CNNM2: variants seen among roughly 807,000 people sequenced by gnomAD.
CNNM2 encodes the protein cyclin and CBS domain divalent metal cation transport mediator 2, also known as metal transporter CNNM2.
Under a neutral mutation model 66.9 loss-of-function variants are expected in CNNM2, and 12 were observed. The ratio of observed to expected loss-of-function variants is 0.18; its 90% CI spans 0.11 to 0.29. CNNM2 has a LOEUF of 0.29. Ranked by LOEUF, CNNM2 falls within the 10% of genes least tolerant of loss-of-function variation. CNNM2 has a pLI of 1.00. For missense variants in CNNM2, 705 were observed against 1,167.7 expected (o/e 0.60, Z 5.77); for synonymous variants, 557 against 501.8 (o/e 1.11, Z -1.47).
intron 1 of CNNM2, among the ~76,000 whole-genome samples, chr10:103,016,546 A>C (rs563196922): frequency 6.6e-6 from 1 of 152,274 alleles, no homozygotes; most frequent in East Asian, 1.9e-4. Context: ...TTCAAGCCAC[A>C]AGCTTGTTTC....
intron 1 of CNNM2, among the ~76,000 whole-genome samples, chr10:103,022,910 A>ATT (rs35848004): frequency 4.7e-5 from 7 of 150,372 alleles, no homozygotes; most frequent in East Asian, 3.9e-4. Flanking sequence ...CAGACTCTTT[A>ATT]TTTTTTTTTG....
intron 6 of CNNM2, among the ~76,000 whole-genome samples, chr10:103,074,117 G>C (rs143961033): frequency 6.6e-6 from 1 of 151,762 alleles, no homozygotes; most frequent in Admixed American, 6.6e-5. Flanking sequence ...GTGAAACCCC[G>C]TCTCTACTAA....
In CNNM2 at chr10:103,068,625, A is replaced by T; in HGVS notation, c.2074-4A>T. ...CTGAAAATACCTGCCTTTTCTCTCC[A>T]CAGGGGAAAGTGGAAGTTGAAGCTG... On this transcript the variant is annotated splice_region_variant and splice_polypyrimidine_tract_variant and intron_variant, in intron 4 of 7. Coordinates refer to ENST00000369878, the MANE Select transcript of CNNM2 (RefSeq NM_017649.5). 1 of 1,609,892 alleles carries T rather than the reference A, an allele frequency of 6.2e-7. No individual in the cohort carries two copies. The highest frequency in any genetic ancestry group is 8.5e-7 in the Non-Finnish European group (1 of 1,178,076).
chr10:102,988,049 A>G (rs1241167898), intron 1 of CNNM2, among the ~76,000 whole-genome samples: 2 of 152,204 alleles, frequency 1.3e-5, no homozygotes, highest in East Asian at 3.9e-4. Flanking sequence ...CTGTAATCCC[A>G]GCACTTTGGG....
chr10:103,039,003 A>G (rs1011842002), intron 1 of CNNM2, among the ~76,000 whole-genome samples: 4 of 152,120 alleles, frequency 2.6e-5, no homozygotes, highest in African/African-American at 9.7e-5. Context: ...AAGTACTTAA[A>G]AAAAAAAGAA....
At chr10:103,015,535 A>C (rs945201969) in intron 1 of CNNM2, among the ~76,000 whole-genome samples, 1 of 152,186 alleles carries the variant, frequency 6.6e-6, no homozygotes, top group Non-Finnish European at 1.5e-5. Flanking sequence ...TCTCTAGCAC[A>C]AATAGTACCT....
At chr10:102,944,669 A>G (rs1209145467) in intron 1 of CNNM2, among the ~76,000 whole-genome samples, 1 of 150,946 alleles carries the variant, frequency 6.6e-6, no homozygotes, top group Non-Finnish European at 1.5e-5. Context: ...TGCAGACATC[A>G]TGATACTTCA....
At chr10:102,947,392 G>C (rs1846654530) in intron 1 of CNNM2, among the ~76,000 whole-genome samples, 1 of 152,120 alleles carries the variant, frequency 6.6e-6, no homozygotes, top group African/African-American at 2.4e-5. Flanking sequence ...TTGTGATGAT[G>C]TTATATATTG....
At chr10:102,958,675 T>G (rs1435009106) in intron 1 of CNNM2, among the ~76,000 whole-genome samples, 1 of 151,502 alleles carries the variant, frequency 6.6e-6, no homozygotes, top group Non-Finnish European at 1.5e-5. Context: ...TTCACTATAT[T>G]GCCAGGCTGA....
At chr10:103,041,961 T>G (rs1437538783) in intron 1 of CNNM2, among the ~76,000 whole-genome samples, 1 of 152,198 alleles carries the variant, frequency 6.6e-6, no homozygotes, top group African/African-American at 2.4e-5. Flanking sequence ...TTGCTCAGTT[T>G]TTGTCTGTAG....
In CNNM2 at chr10:103,089,072, G is replaced by T; in HGVS notation, c.*11892G>T. ...GTCTTTTCCCTCAAAATAGAATCCT[G>T]CCCTAAAGCAACGCAAGTAGAGCAT... On this transcript the variant is annotated 3_prime_UTR_variant, in exon 8 of 8. Coordinates refer to ENST00000369878, the MANE Select transcript of CNNM2 (RefSeq NM_017649.5). The T allele has an allele frequency of 4.5e-6, 1 of 222,968 alleles. No homozygotes were observed. Among genetic ancestry groups the T allele is most frequent in the Non-Finnish European group, 9.0e-6 (1 of 111,528 alleles). 13.8% of individuals were successfully genotyped at this position (222,968 alleles called of 1,614,324 possible). A position where few individuals can be genotyped will look rare whatever the true frequency, so the allele number is the denominator to read the frequency against.
chr10:103,054,765 G>A lies in CNNM2; in HGVS notation c.1903+299G>A, dbSNP rs2065270543. Among the ~76,000 whole-genome samples, 1 of 152,164 alleles carries A rather than the reference G, an allele frequency of 6.6e-6. No homozygotes were observed. The highest frequency in any genetic ancestry group is 1.5e-5 in the Non-Finnish European group (1 of 68,030). On this transcript the variant is annotated intron_variant, in intron 3 of 7. Transcript: ENST00000369878. The surrounding 1 kb of genome is among the most constrained non-coding windows in gnomAD (Gnocchi z 5.2). ...GTTAGTGCCACACTGCATGTGTACAGTAGGCCAGGCCATCTCCTTCCAGCT... is the reference window on the plus strand; with the variant it reads ...GTTAGTGCCACACTGCATGTGTACAATAGGCCAGGCCATCTCCTTCCAGCT...
chr10:103,016,138 C>A (rs191899421), intron 1 of CNNM2, among the ~76,000 whole-genome samples: 1 of 152,088 alleles, frequency 6.6e-6, no homozygotes, highest in Non-Finnish European at 1.5e-5. Context: ...CCAAGCCCCC[C>A]GCTTCCCCCA....
chr10:102,921,912 G>A (rs1052956049), intron 1 of CNNM2, among the ~76,000 whole-genome samples: 1 of 151,894 alleles, frequency 6.6e-6, no homozygotes, highest in Non-Finnish European at 1.5e-5. Context: ...CCTTAATGCC[G>A]CCCTTACTCA....
At chr10:102,931,679 C>T (rs1312407200) in intron 1 of CNNM2, among the ~76,000 whole-genome samples, 1 of 151,830 alleles carries the variant, frequency 6.6e-6, no homozygotes, top group East Asian at 1.9e-4. Flanking sequence ...TTCTAATTCT[C>T]TTGGATATAT....
In CNNM2 at chr10:103,011,566, CAGAG is replaced by C. The variant is rs1017419284; in HGVS notation, c.1622-38137_1622-38134del. On this transcript the variant is annotated intron_variant, in intron 1 of 7. Transcript: ENST00000369878. ...TGAAAAGCTTAGGAATTATGATTGT[CAGAG>C]AGAAGTGAGAAAAGAAAATGCAAAA... Among the ~76,000 whole-genome samples the C allele has an allele frequency of 1.5e-4, 22 of 151,346 alleles. No homozygotes were observed. In the South Asian group the frequency reaches 1.9e-3, roughly 13 times the overall value.
intron 1 of CNNM2, among the ~76,000 whole-genome samples, chr10:102,986,353 A>G (rs912996771): frequency 3.9e-5 from 6 of 152,066 alleles, no homozygotes; most frequent in African/African-American, 1.2e-4. Context: ...TCCCGGGTTC[A>G]AGTGATTCTC....
At chr10:102,960,421 A>G (rs1228892491) in intron 1 of CNNM2, among the ~76,000 whole-genome samples, 2 of 152,214 alleles carry the variant, frequency 1.3e-5, no homozygotes, top group African/African-American at 4.8e-5. Flanking sequence ...ATTTTTAACT[A>G]TTAAAAGTAA....
intron 2 of CNNM2, among the ~76,000 whole-genome samples, chr10:103,051,251 T>C (rs1187916474): frequency 6.6e-6 from 1 of 151,814 alleles, no homozygotes; most frequent in East Asian, 1.9e-4. Context: ...GCCAACATGG[T>C]GAAACTCCGT....
Sources: allele counts gnomAD v4.1 joint callset (sites outside exome capture counted in the v4.1 genomes callset), GRCh38; gene constraint gnomAD v4.1.1; non-coding constraint Gnocchi (gnomAD v3.1); transcripts MANE v1.5; gene names NCBI Gene and HGNC (gene_info 2026-07-23, HGNC 2026-07-21).